The following PDZD9 variants were observed in gnomAD, a reference collection of about 807,000 sequenced individuals.
PDZD9 encodes the protein PDZ domain-containing protein 9.
A neutral mutation model predicts 16.3 loss-of-function variants in PDZD9; 13 were observed. That is an observed-to-expected ratio of 0.80 (90% CI 0.52 to 1.27). PDZD9 has a LOEUF of 1.27. Among genes scored for constraint, PDZD9 ranks in the 50% most tolerant of loss-of-function variants. The pLI is 0.00. For synonymous variants in PDZD9, 120 were observed against 111.0 expected, an observed-to-expected ratio of 1.08 and a Z score of -0.51; for missense variants, 288 against 310.9, an observed-to-expected ratio of 0.93 and a Z score of 0.55.
intron 2 of PDZD9, among the ~76,000 whole-genome samples, chr16:21,989,621 A>G (rs1033335152): frequency 6.6e-6 from 1 of 152,168 alleles, no homozygotes; most frequent in Non-Finnish European, 1.5e-5. Context: ...TAGTTGAGCA[A>G]ATAATTCTGT....
chr16:21,976,273 T>C, the PDZD9 span: 1 of 1,544,464 alleles, frequency 6.5e-7, no homozygotes, highest in Admixed American at 1.7e-5. Context: ...GTGTTTTATG[T>C]TTTTGTTATT....
At chr16:21,963,023 C>CT in the PDZD9 span, 1 of 1,168,534 alleles carries the variant, frequency 8.6e-7, no homozygotes. Context: ...GAGTCTCACT[C>CT]TGTCACCCAG....
At chr16:21,961,669 T>TA in the PDZD9 span, among the ~76,000 whole-genome samples, 162 of 128,894 alleles carry the variant, frequency 1.3e-3, no homozygotes, top group Non-Finnish European at 2.4e-3. Context: ...TATATATATA[T>TA]TTTAGACAGT....
At chr16:21,987,702 T>A (rs1289549238) in intron 3 of PDZD9, among the ~76,000 whole-genome samples, 1 of 152,116 alleles carries the variant, frequency 6.6e-6, no homozygotes, top group Non-Finnish European at 1.5e-5. Context: ...GTGTGAAGGC[T>A]ATGGGTGGCC....
chr16:21,971,922 G>A, the PDZD9 span: 1 of 1,613,802 alleles, frequency 6.2e-7, no homozygotes, highest in Admixed American at 1.7e-5. Context: ...TCTGGCCCCA[G>A]GTGAAATCCG....
chr16:21,967,700 G>A, the PDZD9 span, among the ~76,000 whole-genome samples: 1 of 152,108 alleles, frequency 6.6e-6, no homozygotes, highest in Non-Finnish European at 1.5e-5. Context: ...TCCCAAGAAT[G>A]GGGGACAGTG....
At chr16:21,982,959 A>T, downstream of PDZD9, 2 of 804,158 alleles carry the variant, frequency 2.5e-6, no homozygotes, top group South Asian at 3.8e-5. Flanking sequence ...GCGAGACTCC[A>T]CCTCAAAAAA....
the PDZD9 span, chr16:21,958,572 G>A: frequency 2.2e-5 from 35 of 1,612,396 alleles, no homozygotes; most frequent in Non-Finnish European, 2.6e-5. Flanking sequence ...ATAACCCGTG[G>A]AATTGAAGCA....
downstream of PDZD9, chr16:21,983,161 A>T (rs1284745325): frequency 6.2e-7 from 1 of 1,613,992 alleles, no homozygotes; most frequent in South Asian, 1.1e-5. Context: ...CCTTTTGTTG[A>T]TGAGTTGTAA....
At chr16:21,988,003 CTTTTTTTT>C (rs773101505) in intron 3 of PDZD9, among the ~76,000 whole-genome samples, 3 of 100,724 alleles carry the variant, frequency 3.0e-5, no homozygotes, top group African/African-American at 1.2e-4. Flanking sequence ...GCAAGAAGCA[CTTTTTTTT>C]TTTTTTTTTT....
At chr16:21,960,760 A>G in the PDZD9 span, among the ~76,000 whole-genome samples, 1 of 152,184 alleles carries the variant, frequency 6.6e-6, no homozygotes, top group Non-Finnish European at 1.5e-5. Context: ...GGAATATCCA[A>G]AGAGAGGGAG....
the PDZD9 span, among the ~76,000 whole-genome samples, chr16:21,959,021 A>G: frequency 6.6e-6 from 1 of 152,242 alleles, no homozygotes; most frequent in Admixed American, 6.5e-5. Flanking sequence ...TGCTTTAAAA[A>G]TGTTAACAGT....
the PDZD9 span, among the ~76,000 whole-genome samples, chr16:21,974,776 G>A: frequency 3.3e-5 from 5 of 152,156 alleles, no homozygotes; most frequent in Admixed American, 3.3e-4. Flanking sequence ...ATTATAAATG[G>A]CTCAAGTCTG....
At chr16:21,981,341 G>A (rs996773259), downstream of PDZD9, among the ~76,000 whole-genome samples, 2 of 152,122 alleles carry the variant, frequency 1.3e-5, no homozygotes, top group Non-Finnish European at 1.5e-5. Context: ...TTAATCCAAA[G>A]TAAGTGGGTT....
downstream of PDZD9, chr16:21,980,128 CAG>C (rs34471071): frequency 0.67 from 117,904 of 176,262 alleles, 41,492 homozygotes; most frequent in Non-Finnish European, 0.78. Flanking sequence ...TCACTGACAG[CAG>C]AGAGATCTTC....
the PDZD9 span, among the ~76,000 whole-genome samples, chr16:21,972,688 A>T: frequency 6.6e-6 from 1 of 152,112 alleles, no homozygotes; most frequent in Non-Finnish European, 1.5e-5. Context: ...CAGCCTGGCC[A>T]ACGTGGTGAA....
chr16:21,969,522 ACT>A, the PDZD9 span, among the ~76,000 whole-genome samples: 9 of 152,166 alleles, frequency 5.9e-5, no homozygotes, highest in South Asian at 2.1e-4. Context: ...ACAGAGTGAG[ACT>A]CTGTCTCAAA....
intron 2 of PDZD9, among the ~76,000 whole-genome samples, chr16:21,992,021 CTCTGTATTTCATTA>C (rs1174624619): frequency 6.6e-6 from 1 of 152,132 alleles, no homozygotes; most frequent in Non-Finnish European, 1.5e-5. Context: ...CTCTCTACGC[CTCTGTATTTCATTA>C]TCTACATTTC....
the PDZD9 span, chr16:21,977,089 C>T: frequency 6.6e-6 from 1 of 152,136 alleles, no homozygotes; most frequent in South Asian, 2.1e-4. Context: ...CGCAGTTGCT[C>T]ATACCTGTAA....
Sources: allele counts gnomAD v4.1 joint callset (sites outside exome capture counted in the v4.1 genomes callset), GRCh38; gene constraint gnomAD v4.1.1; transcripts MANE v1.5; gene names NCBI Gene and HGNC (gene_info 2026-07-23, HGNC 2026-07-21).